FAM227A: variants seen among roughly 807,000 people sequenced by gnomAD.
The protein encoded by FAM227A is protein FAM227A.
FAM227A carries 80 observed loss-of-function variants against 74.7 expected under a neutral mutation model. The observed-to-expected ratio is 1.07, with a 90% CI of 0.89 to 1.29. FAM227A has a LOEUF of 1.29. FAM227A is among the 50% of genes most tolerant of loss of function. The pLI, the probability that FAM227A is intolerant of heterozygous loss-of-function variation, is 0.00. For synonymous variants in FAM227A, 237 were observed against 241.8 expected (o/e 0.98, Z 0.19); for missense variants, 654 against 683.4 (o/e 0.96, Z 0.48).
chr22:38,626,374 A>T (rs563021877), intron 8 of FAM227A, 71 bp from the exon 9 acceptor site: 3 of 1,483,594 alleles, frequency 2.0e-6, no homozygotes, highest in South Asian at 1.3e-5. Context: ...GGGGATGAGG[A>T]AGGACTTTCT....
Position 38,599,926 on chromosome 22 carries a change from G to A in FAM227A, c.1222-5C>T. 2.0e-6 allele frequency: 3 copies of A among 1,529,590 alleles called. No individual in the cohort carries two copies. Among genetic ancestry groups the A allele is most frequent in the South Asian group, 1.2e-5 (1 of 80,764 alleles). 94.8% of individuals were successfully genotyped at this position (1,529,590 alleles called of 1,614,324 possible). On this transcript the variant is annotated splice_region_variant and splice_polypyrimidine_tract_variant and intron_variant, in intron 13 of 16. Transcript: ENST00000535113. ...GCTTTTGCAGGCAGCACACGACTAAGGATGAAAGAAAAAGGAAAAATAAAG... is the reference window on the plus strand; with the variant it reads ...GCTTTTGCAGGCAGCACACGACTAAAGATGAAAGAAAAAGGAAAAATAAAG...
At chr22:38,595,387 G>T (rs2036888660) in intron 15 of FAM227A, among the ~76,000 whole-genome samples, 1 of 152,080 alleles carries the variant, frequency 6.6e-6, no homozygotes, top group Non-Finnish European at 1.5e-5. Flanking sequence ...AGAGTTATAG[G>T]GGCATGAAGG....
At chr22:38,646,290 C>T (rs566528503) in intron 2 of FAM227A, among the ~76,000 whole-genome samples, 9 of 116,602 alleles carry the variant, frequency 7.7e-5, no homozygotes, top group Admixed American at 3.6e-4. Context: ...GACGGAGTCT[C>T]GCTCTGTCGC....
At chr22:38,587,222 A>T (rs1472197442) in intron 16 of FAM227A, among the ~76,000 whole-genome samples, 2 of 152,238 alleles carry the variant, frequency 1.3e-5, no homozygotes, top group Non-Finnish European at 2.9e-5. Flanking sequence ...GCCTAGCAAA[A>T]GAAGCACAAA....
At chr22:38,609,806 T>C (rs2091372966) in intron 11 of FAM227A, among the ~76,000 whole-genome samples, 1 of 151,924 alleles carries the variant, frequency 6.6e-6, no homozygotes, top group African/African-American at 2.4e-5. Context: ...AGTTTCACTC[T>C]TGTTGCCCAG....
chr22:38,613,260 T>A (rs2413539), intron 11 of FAM227A, among the ~76,000 whole-genome samples: 4 of 61,642 alleles, frequency 6.5e-5, no homozygotes, highest in Non-Finnish European at 1.2e-4. Context: ...ATAACATATA[T>A]TATAACATAT....
Position 38,582,604 on chromosome 22 carries a change from C to T in FAM227A, c.*3521G>A. ...TCTTCATATTTAACATCCTGAGAGG[C>T]TACAACTCTGAGTCCTCAGTCATTT... On this transcript the variant is annotated 3_prime_UTR_variant, in exon 17 of 17. Coordinates refer to ENST00000535113, the MANE Select transcript of FAM227A (RefSeq NM_001013647.2). 1.4e-6 allele frequency: 1 copy of T among 737,330 alleles called. No individual in the cohort carries two copies. Among genetic ancestry groups the T allele is most frequent in the Non-Finnish European group, 2.2e-6 (1 of 460,116 alleles). The allele number at this position is 737,330 out of a possible 1,614,324, so 45.7% of individuals were successfully genotyped here.
intron 6 of FAM227A, among the ~76,000 whole-genome samples, chr22:38,634,263 T>C (rs2091964129): frequency 6.6e-6 from 1 of 151,686 alleles, no homozygotes; most frequent in Non-Finnish European, 1.5e-5. Flanking sequence ...GTAGAGAGTT[T>C]TCCATACTGA....
At chr22:38,630,885 T>G (rs2091902826) in intron 6 of FAM227A, among the ~76,000 whole-genome samples, 1 of 152,126 alleles carries the variant, frequency 6.6e-6, no homozygotes, top group South Asian at 2.1e-4. Context: ...AATAACTGGA[T>G]GGCCAGGCGC....
intron 15 of FAM227A, among the ~76,000 whole-genome samples, chr22:38,594,877 T>C (rs2091010277): frequency 6.6e-6 from 1 of 152,062 alleles, no homozygotes; most frequent in Admixed American, 6.6e-5. Flanking sequence ...GGGGGGTGGA[T>C]CACGAGGTCA....
At chr22:38,592,564 C>T (rs546225069) in intron 15 of FAM227A, among the ~76,000 whole-genome samples, 65 of 152,260 alleles carry the variant, frequency 4.3e-4, no homozygotes, top group African/African-American at 1.4e-3. Flanking sequence ...GAAATGTGGA[C>T]GTGGTGGCTG....
chr22:38,650,194 A>G lies in FAM227A; in HGVS notation c.-26T>C. On this transcript the variant is annotated 5_prime_UTR_variant, in exon 2 of 17. Transcript: ENST00000535113. ...TGTCCAATTTCTTGTAAATGGACAAACAAAAAGCTTCCACTTTTAAGAGCC... is the reference window on the plus strand; with the variant it reads ...TGTCCAATTTCTTGTAAATGGACAAGCAAAAAGCTTCCACTTTTAAGAGCC... The G allele has an allele frequency of 6.5e-7, 1 of 1,549,918 alleles. No homozygotes were observed. The highest frequency in any genetic ancestry group is 8.7e-7 in the Non-Finnish European group (1 of 1,146,102).
intron 2 of FAM227A, 147 bp from the exon 3 acceptor site, chr22:38,645,792 T>C: frequency 1.7e-6 from 1 of 596,134 alleles, no homozygotes; most frequent in Non-Finnish European, 2.9e-6. Context: ...CATTTCTTTC[T>C]TCCTTTTTTC....
At chr22:38,654,949 A>AAAATAAAT (rs530190566) in intron 1 of FAM227A, among the ~76,000 whole-genome samples, 34 of 147,780 alleles carry the variant, frequency 2.3e-4, no homozygotes, top group African/African-American at 7.0e-4. Flanking sequence ...GACTCCATCT[A>AAAATAAAT]AAATAAATAA....
At chr22:38,608,153 T>TAA (rs1241014124) in intron 11 of FAM227A, among the ~76,000 whole-genome samples, 1 of 53,082 alleles carries the variant, frequency 1.9e-5, no homozygotes, top group African/African-American at 8.5e-5. Flanking sequence ...ACCTTTTCTC[T>TAA]ACAAAAAAAA....
chr22:38,582,714 A>G lies in FAM227A; in HGVS notation c.*3411T>C. ...GAAATGCAGTTTGTCCTGGGCTTAG[A>G]AAATAAGGAGACCTTCTTGCTGTAT... is the stretch of plus-strand genomic sequence containing the variant. On this transcript the variant is annotated 3_prime_UTR_variant, in exon 17 of 17. Coordinates refer to ENST00000535113, the MANE Select transcript of FAM227A (RefSeq NM_001013647.2). The G allele has an allele frequency of 8.9e-7, 1 of 1,123,418 alleles. No individual in the cohort carries two copies. The highest frequency in any genetic ancestry group is 1.3e-6 in the Non-Finnish European group (1 of 790,588). The allele number at this position is 1,123,418 out of a possible 1,614,324, so 69.6% of individuals were successfully genotyped here. A position where few individuals can be genotyped will look rare whatever the true frequency, so the allele number is the denominator to read the frequency against.
Position 38,632,378 on chromosome 22 carries a change from G to C in FAM227A, c.520-3443C>G, listed in dbSNP as rs573154955. ...GCTCCACCCTCATGAATGGATTAAT[G>C]TGGTTATCTGGAGGTGGGTCAGTTA... On this transcript the variant is annotated intron_variant, in intron 6 of 16. Transcript: ENST00000535113. Among the ~76,000 whole-genome samples the C allele has an allele frequency of 2.6e-4, 40 of 152,282 alleles. No individual in the cohort carries two copies. In the South Asian group the frequency reaches 6.8e-3, roughly 26 times the overall value.
chr22:38,641,494 T>C (rs1411757950), intron 3 of FAM227A, among the ~76,000 whole-genome samples: 1 of 145,614 alleles, frequency 6.9e-6, no homozygotes, highest in East Asian at 2.0e-4. Flanking sequence ...GAGGTTGCAG[T>C]GAGCTGAGAT....
rs1325395333 is a variant in FAM227A at position 38,626,175 on chromosome 22, C to G, written c.850+5G>C. On this transcript the variant is annotated splice_donor_5th_base_variant and intron_variant, in intron 9 of 16. Coordinates refer to ENST00000535113, the MANE Select transcript of FAM227A (RefSeq NM_001013647.2). ...TTTCCCCGGTGGAAAAAAGTCACCT[C>G]TCACCTGAAATCCACAGGCTCATTG... 18 of 1,550,982 alleles carry G rather than the reference C, an allele frequency of 1.2e-5. No homozygotes were observed. The highest frequency in any genetic ancestry group is 1.6e-5 in the Non-Finnish European group (18 of 1,146,764).
Sources: gnomAD v4.1 joint callset for allele counts (sites outside exome capture counted in the v4.1 genomes callset) on GRCh38, gnomAD v4.1.1 for gene constraint, MANE v1.5 for transcripts, NCBI Gene and HGNC (gene_info 2026-07-23, HGNC 2026-07-21) for gene names.